The following FIGN variants were observed in gnomAD, a reference collection of about 807,000 sequenced individuals.
FIGN encodes fidgetin, microtubule severing factor.
Under a neutral mutation model 51.3 loss-of-function variants are expected in FIGN, and 11 were observed. The ratio of observed to expected loss-of-function variants is 0.21; its 90% CI spans 0.13 to 0.35. The LOEUF (loss-of-function observed/expected upper bound fraction) is 0.35. Among genes scored for constraint, FIGN ranks in the 10% least tolerant of loss-of-function variants. FIGN has a pLI of 1.00. For missense variants in FIGN, 857 were observed against 943.6 expected (o/e 0.91, Z 1.20); for synonymous variants, 407 against 363.2 (o/e 1.12, Z -1.37).
chr2:163,693,634 C>T (rs184423690), intron 2 of FIGN, among the ~76,000 whole-genome samples: 23 of 152,148 alleles, frequency 1.5e-4, no homozygotes, highest in Admixed American at 9.2e-4. Flanking sequence ...CACACACTTA[C>T]GCACAAACAC....
chr2:163,718,166 C>T (rs1684699113), intron 2 of FIGN, among the ~76,000 whole-genome samples: 1 of 152,080 alleles, frequency 6.6e-6, no homozygotes, highest in Non-Finnish European at 1.5e-5. Context: ...TCTAATGTGC[C>T]CTAACTTAGA....
At chr2:163,661,599 T>C (rs1243253826) in intron 2 of FIGN, among the ~76,000 whole-genome samples, 1 of 152,110 alleles carries the variant, frequency 6.6e-6, no homozygotes, top group Non-Finnish European at 1.5e-5. Flanking sequence ...ATTTCACCAT[T>C]GATAAGGTTT....
chr2:163,682,597 G>C (rs1269431570), intron 2 of FIGN, among the ~76,000 whole-genome samples: 1 of 152,204 alleles, frequency 6.6e-6, no homozygotes, highest in East Asian at 1.9e-4. Context: ...GGCTTATAAG[G>C]AGAGACTTTG....
chr2:163,640,591 A>C (rs1683291976), intron 2 of FIGN, among the ~76,000 whole-genome samples: 1 of 152,218 alleles, frequency 6.6e-6, no homozygotes, highest in South Asian at 2.1e-4. Context: ...TTTGTCTAGA[A>C]GCAGAGTTCC....
chr2:163,643,932 C>CAAAAAAAAA (rs1162234909), intron 2 of FIGN, among the ~76,000 whole-genome samples: 1,124 of 19,062 alleles, frequency 0.059, 394 homozygotes, highest in Middle Eastern at 0.12. Flanking sequence ...AACTCTGTCT[C>CAAAAAAAAA]AAAAAAAAAA....
At chr2:163,640,478 T>C (rs1683290459) in intron 2 of FIGN, among the ~76,000 whole-genome samples, 1 of 152,208 alleles carries the variant, frequency 6.6e-6, no homozygotes, top group Non-Finnish European at 1.5e-5. Context: ...GTTTCCATTT[T>C]TTTATTTATA....
chr2:163,701,987 C>G (rs1006357500), intron 2 of FIGN, among the ~76,000 whole-genome samples: 2 of 152,150 alleles, frequency 1.3e-5, no homozygotes, highest in Non-Finnish European at 2.9e-5. Flanking sequence ...TTTGTACCAT[C>G]AGTGCTGGGA....
chr2:163,644,469 A>G (rs774757914), intron 2 of FIGN, among the ~76,000 whole-genome samples: 1 of 152,216 alleles, frequency 6.6e-6, no homozygotes, highest in Non-Finnish European at 1.5e-5. Context: ...TAGAACCCTC[A>G]TACACTGCTG....
chr2:163,664,935 A>G (rs1683749110), intron 2 of FIGN, among the ~76,000 whole-genome samples: 1 of 152,222 alleles, frequency 6.6e-6, no homozygotes, highest in Non-Finnish European at 1.5e-5. Flanking sequence ...CAACTCCCCA[A>G]TCTAAGCTGA....
chr2:163,721,444 G>A (rs573635291), intron 2 of FIGN, among the ~76,000 whole-genome samples: 2 of 152,176 alleles, frequency 1.3e-5, no homozygotes, highest in South Asian at 2.1e-4. Flanking sequence ...TAAACACACG[G>A]GTCTTCACTG....
At chr2:163,660,841 ACATATATATATG>A (rs776219174) in intron 2 of FIGN, among the ~76,000 whole-genome samples, 1 of 87,668 alleles carries the variant, frequency 1.1e-5, no homozygotes, top group African/African-American at 4.7e-5. Flanking sequence ...ATACATATAT[ACATATATATATG>A]TATACATATA....
chr2:163,621,084 A>G (rs1682963835), intron 2 of FIGN, among the ~76,000 whole-genome samples: 1 of 152,134 alleles, frequency 6.6e-6, no homozygotes, highest in Admixed American at 6.6e-5. Context: ...AAGACAGTTT[A>G]CATAAGACAA....
chr2:163,716,390 G>T (rs1684668612), intron 2 of FIGN, among the ~76,000 whole-genome samples: 1 of 151,936 alleles, frequency 6.6e-6, no homozygotes, highest in South Asian at 2.1e-4. Flanking sequence ...AATCAAAATG[G>T]AAAATAACAA....
At chr2:163,668,954 G>GA (rs1683830435) in intron 2 of FIGN, among the ~76,000 whole-genome samples, 1 of 145,494 alleles carries the variant, frequency 6.9e-6, no homozygotes, top group Non-Finnish European at 1.5e-5. Context: ...AGAAAAAAAA[G>GA]AAAAAAGACA....
intron 2 of FIGN, among the ~76,000 whole-genome samples, chr2:163,667,338 C>CAAAAAA (rs397952314): frequency 7.8e-6 from 1 of 127,526 alleles, no homozygotes. Flanking sequence ...ACTATCCCCA[C>CAAAAAA]AAAAAAAAAA....
At position 163,610,698 on chromosome 2, in the gene FIGN, T is replaced by G. The variant is rs780824403; in HGVS notation, c.1134A>C (p.Pro378=). The G allele has an allele frequency of 1.2e-6, 2 of 1,614,114 alleles. No individual in the cohort carries two copies. The highest frequency in any genetic ancestry group is 2.7e-5 in the African/African-American group (2 of 74,944). The change falls in exon 3 of 3, where the codon CCA becomes CCC. Residue 378 remains proline, a synonymous_variant. Coordinates refer to ENST00000333129, the MANE Select transcript of FIGN (RefSeq NM_018086.4). ...SAETSSLAFK[P]TKQLMSSEQQ... is the part of the protein sequence containing the mutation. The stretch of plus-strand genomic sequence containing the variant: ...GTTCAGAGGACATTAGCTGCTTCGT[T>G]GGCTTAAATGCTAAGGATGATGTTT...
chr2:163,659,701 T>TA (rs1263324071), intron 2 of FIGN, among the ~76,000 whole-genome samples: 1 of 152,252 alleles, frequency 6.6e-6, no homozygotes, highest in Non-Finnish European at 1.5e-5. Context: ...AAGTATTTCT[T>TA]ACCAGGGTAA....
intron 2 of FIGN, among the ~76,000 whole-genome samples, chr2:163,734,590 TTAAC>T (rs1684985737): frequency 6.9e-6 from 1 of 145,564 alleles, no homozygotes; most frequent in South Asian, 2.2e-4. Context: ...CACACTGAGT[TTAAC>T]TAATTTACAT....
intron 2 of FIGN, among the ~76,000 whole-genome samples, chr2:163,696,058 C>T (rs1684314114): frequency 6.6e-6 from 1 of 152,000 alleles, no homozygotes; most frequent in South Asian, 2.1e-4. Flanking sequence ...TTGCGGTGAG[C>T]CAAGATCATG....
Sources: allele counts gnomAD v4.1 joint callset (sites outside exome capture counted in the v4.1 genomes callset), GRCh38; gene constraint gnomAD v4.1.1; transcripts MANE v1.5; gene names NCBI Gene and HGNC (gene_info 2026-07-23, HGNC 2026-07-21).